Variants in CPEB3 observed in about 807,000 individuals in gnomAD.
CPEB3 encodes the protein cytoplasmic polyadenylation element binding protein 3.
In CPEB3, 20 loss-of-function variants were observed where a neutral mutation model predicts 67.2. The observed-to-expected ratio is 0.30, with a 90% CI of 0.21 to 0.43. CPEB3 has a LOEUF of 0.43. Ranked by LOEUF, CPEB3 falls within the 20% of genes least tolerant of loss-of-function variation. CPEB3 has a pLI of 1.00. For missense variants in CPEB3, 746 were observed against 968.6 expected (o/e 0.77, Z 3.05); for synonymous variants, 376 against 393.1 (o/e 0.96, Z 0.51).
At chr10:92,120,117 A>T (rs1156338664) in intron 6 of CPEB3, among the ~76,000 whole-genome samples, 1 of 129,060 alleles carries the variant, frequency 7.7e-6, no homozygotes, top group African/African-American at 2.9e-5. Flanking sequence ...AAAAAAAAAA[A>T]CCAAATTGCT....
intron 7 of CPEB3, among the ~76,000 whole-genome samples, chr10:92,095,033 A>G (rs1345573017): frequency 6.6e-6 from 1 of 152,200 alleles, no homozygotes; most frequent in Non-Finnish European, 1.5e-5. Context: ...TGTTCAATTA[A>G]TTGAGACAGG....
chr10:92,168,061 A>G (rs1383549135), intron 4 of CPEB3, among the ~76,000 whole-genome samples: 1 of 152,238 alleles, frequency 6.6e-6, no homozygotes, highest in African/African-American at 2.4e-5. Flanking sequence ...TGTTAGAAAA[A>G]CAGCACAACT....
chr10:92,237,862 G>A (rs528914370), intron 2 of CPEB3, among the ~76,000 whole-genome samples: 56 of 152,112 alleles, frequency 3.7e-4, no homozygotes, highest in African/African-American at 1.3e-3. Context: ...CTTTAGAATG[G>A]GAAAAAAATA....
chr10:92,166,499 T>C (rs894167090), intron 4 of CPEB3, among the ~76,000 whole-genome samples: 1 of 152,186 alleles, frequency 6.6e-6, no homozygotes, highest in Non-Finnish European at 1.5e-5. Context: ...TTAGCAGTCA[T>C]GAAAACAACA....
At chr10:92,070,279 A>G (rs902952974) in intron 9 of CPEB3, among the ~76,000 whole-genome samples, 1 of 152,246 alleles carries the variant, frequency 6.6e-6, no homozygotes, top group Non-Finnish European at 1.5e-5. Context: ...ATGTCATAGA[A>G]TAAACCAGCC....
chr10:92,223,567 CTTTTTTTTTT>C (rs903904452), intron 2 of CPEB3, among the ~76,000 whole-genome samples: 4 of 84,146 alleles, frequency 4.8e-5, no homozygotes, highest in East Asian at 3.1e-4. Flanking sequence ...CTAATTATTT[CTTTTTTTTTT>C]TTTTTTTTTT....
At chr10:92,069,832 C>T (rs970655682) in intron 9 of CPEB3, among the ~76,000 whole-genome samples, 5 of 152,142 alleles carry the variant, frequency 3.3e-5, no homozygotes, top group Non-Finnish European at 5.9e-5. Flanking sequence ...ATTTCAACAA[C>T]GATTTTTCCT....
At chr10:92,288,962 C>T (rs771567326) in intron 1 of CPEB3, among the ~76,000 whole-genome samples, 8 of 152,068 alleles carry the variant, frequency 5.3e-5, no homozygotes, top group East Asian at 1.9e-4. Flanking sequence ...GTTAAGACAC[C>T]GGGCTGTGCA....
intron 2 of CPEB3, among the ~76,000 whole-genome samples, chr10:92,195,279 T>C (rs993850237): frequency 7.9e-5 from 12 of 152,212 alleles, no homozygotes; most frequent in Non-Finnish European, 1.5e-4. Context: ...ACTCACCCAT[T>C]ACCTATCTCT....
Position 92,050,982 on chromosome 10 carries a change from T to G in CPEB3, c.*1230A>C, listed in dbSNP as rs1841878610. 6.6e-6 allele frequency: 1 copy of G among 152,658 alleles called. No individual in the cohort carries two copies. Among genetic ancestry groups the G allele is most frequent in the Non-Finnish European group, 1.5e-5 (1 of 68,042 alleles). 9.5% of individuals were successfully genotyped at this position (152,658 alleles called of 1,614,324 possible). A position where few individuals can be genotyped will look rare whatever the true frequency, so the allele number is the denominator to read the frequency against. ...ATGTCTGACAGAGGCTTTAAACAGT[T>G]AAGTTTGATCACAGTTAGACATAAT... On this transcript the variant is annotated 3_prime_UTR_variant, in exon 10 of 10. Transcript: ENST00000265997.
At chr10:92,093,171 C>T (rs1225056268) in intron 7 of CPEB3, among the ~76,000 whole-genome samples, 2 of 152,144 alleles carry the variant, frequency 1.3e-5, no homozygotes, top group Non-Finnish European at 2.9e-5. Context: ...ACGCAGGTAG[C>T]CAATATGCTC....
At chr10:92,154,677 T>C (rs1017253814) in intron 4 of CPEB3, among the ~76,000 whole-genome samples, 3 of 152,312 alleles carry the variant, frequency 2.0e-5, no homozygotes, top group South Asian at 2.1e-4. Flanking sequence ...CTCAGAGATA[T>C]GTACTCCAAG....
intron 4 of CPEB3, among the ~76,000 whole-genome samples, chr10:92,158,005 C>CA (rs1272382149): frequency 1.3e-5 from 2 of 151,596 alleles, no homozygotes. Context: ...TATTTACTCA[C>CA]AATTTGGCAA....
At chr10:92,150,600 A>G (rs1403552274) in intron 4 of CPEB3, among the ~76,000 whole-genome samples, 1 of 152,218 alleles carries the variant, frequency 6.6e-6, no homozygotes. Flanking sequence ...TTTGATTGGC[A>G]TAAATCCATC....
At position 92,119,035 on chromosome 10, in the gene CPEB3, T is replaced by C; in HGVS notation, c.1454-7841A>G. On this transcript the variant is annotated intron_variant, in intron 6 of 9. Coordinates refer to ENST00000265997, the MANE Select transcript of CPEB3 (RefSeq NM_014912.5). Reference sequence around the variant, plus strand: ...CACTCGTCTTCCCTCTCATGTATCATACCTGGAATGGGGTCTGACACTTGA... The same window carrying C: ...CACTCGTCTTCCCTCTCATGTATCACACCTGGAATGGGGTCTGACACTTGA... 5 of 1,558,582 alleles carry C rather than the reference T, an allele frequency of 3.2e-6. No homozygotes were observed. In the Admixed American group the frequency reaches 8.4e-5, roughly 26 times the overall value.
chr10:92,118,824 C>G (rs75210429), intron 6 of CPEB3: 2 of 769,216 alleles, frequency 2.6e-6, no homozygotes, highest in Admixed American at 1.7e-5. Flanking sequence ...CCCCACGTCA[C>G]TATCTACAGT....
chr10:92,256,217 T>C (rs1231552703), intron 1 of CPEB3, among the ~76,000 whole-genome samples: 1 of 152,056 alleles, frequency 6.6e-6, no homozygotes, highest in Non-Finnish European at 1.5e-5. Context: ...AGTATAATAC[T>C]GTACCTGAAC....
At chr10:92,130,924 G>A (rs1245955479) in intron 6 of CPEB3, among the ~76,000 whole-genome samples, 1 of 152,166 alleles carries the variant, frequency 6.6e-6, no homozygotes, top group Admixed American at 6.5e-5. Flanking sequence ...CCAATGTGAG[G>A]TGACCTAAGA....
rs117580434 is a variant in CPEB3 at position 92,255,446 on chromosome 10, G to A, written c.-11-15085C>T. 7.4e-4 allele frequency among the ~76,000 whole-genome samples: 113 copies of A among 152,178 alleles called. 1 individual carries two copies. Among genetic ancestry groups the A allele is most frequent in the Non-Finnish European group, 1.4e-3 (94 of 68,012 alleles). ...ACACTTTTCAAGTCCTATTTTCTTT[G>A]TGCATTCTTCATAAAACACTTCTGA... On this transcript the variant is annotated intron_variant, in intron 1 of 9. Coordinates refer to ENST00000265997, the MANE Select transcript of CPEB3 (RefSeq NM_014912.5).
Sources: allele counts gnomAD v4.1 joint callset (sites outside exome capture counted in the v4.1 genomes callset), GRCh38; gene constraint gnomAD v4.1.1; transcripts MANE v1.5; gene names NCBI Gene and HGNC (gene_info 2026-07-23, HGNC 2026-07-21).